LRP1B: variants seen among roughly 807,000 people sequenced by gnomAD.
The protein encoded by LRP1B is low-density lipoprotein receptor-related protein 1B.
Under a neutral mutation model 556.6 loss-of-function variants are expected in LRP1B, and 217 were observed. That is an observed-to-expected ratio of 0.39 (90% CI 0.35 to 0.44). LRP1B has a LOEUF of 0.44. Ranked by LOEUF, LRP1B falls within the 20% of genes least tolerant of loss-of-function variation. LRP1B has a pLI of 1.00. For synonymous variants in LRP1B, 2,047 were observed against 1,865.8 expected (o/e 1.10, Z -2.50); for missense variants, 5,053 against 5,620.8 (o/e 0.90, Z 3.23).
intron 24 of LRP1B, among the ~76,000 whole-genome samples, chr2:140,884,916 G>C: frequency 6.6e-6 from 1 of 152,104 alleles, no homozygotes; most frequent in Non-Finnish European, 1.5e-5. Context: ...GTTTTGCCAT[G>C]TTGTCCAGGC....
At chr2:140,908,826 T>G (rs941966456) in intron 21 of LRP1B, among the ~76,000 whole-genome samples, 4 of 152,060 alleles carry the variant, frequency 2.6e-5, no homozygotes, top group African/African-American at 9.6e-5. Flanking sequence ...TGTGATGGAG[T>G]TGCACTCTTG....
At chr2:141,876,061 A>G (rs1698748248) in intron 1 of LRP1B, among the ~76,000 whole-genome samples, 2 of 151,976 alleles carry the variant, frequency 1.3e-5, no homozygotes, top group African/African-American at 4.8e-5. Flanking sequence ...CTTTGGAAGA[A>G]CAGGTGAATA....
intron 37 of LRP1B, among the ~76,000 whole-genome samples, chr2:140,708,343 A>G (rs570300479): frequency 1.4e-3 from 220 of 151,758 alleles, no homozygotes; most frequent in Admixed American, 5.9e-3. Context: ...TTATTTGTCA[A>G]TTTCTTTCTT....
chr2:140,898,063 G>T (rs921742116), intron 23 of LRP1B, among the ~76,000 whole-genome samples: 2 of 152,108 alleles, frequency 1.3e-5, no homozygotes, highest in South Asian at 2.1e-4. Flanking sequence ...ATTCCAGAAA[G>T]GGTCTGCCCC....
intron 1 of LRP1B, among the ~76,000 whole-genome samples, chr2:142,106,801 G>A (rs1368730586): frequency 1.3e-5 from 2 of 152,014 alleles, no homozygotes; most frequent in African/African-American, 4.8e-5. Context: ...GTTATATTAT[G>A]TCTCATATCT....
At chr2:140,438,127 C>T (rs1686267748) in intron 66 of LRP1B, among the ~76,000 whole-genome samples, 1 of 152,106 alleles carries the variant, frequency 6.6e-6, no homozygotes, top group Non-Finnish European at 1.5e-5. Context: ...ACCGACCCTC[C>T]AGCCTCAGCC....
intron 49 of LRP1B, among the ~76,000 whole-genome samples, chr2:140,520,798 GAAA>G (rs757383865): frequency 1.2e-5 from 1 of 86,464 alleles, no homozygotes; most frequent in Non-Finnish European, 2.1e-5. Context: ...TAAGAAAACA[GAAA>G]AAAAAAAAAA....
chr2:141,096,667 AGAGAGAGAGAGAGAGAGAGAGAG>A (rs1700325312), intron 7 of LRP1B, among the ~76,000 whole-genome samples: 1 of 128,288 alleles, frequency 7.8e-6, no homozygotes, highest in Non-Finnish European at 1.6e-5. Flanking sequence ...AGAGAGAGAG[AGAGAGAGAGAGAGAGAGAGAGAG>A]AAAATAAATA....
At chr2:140,491,005 GT>G (rs573919773) in intron 57 of LRP1B, among the ~76,000 whole-genome samples, 1 of 151,862 alleles carries the variant, frequency 6.6e-6, no homozygotes, top group Non-Finnish European at 1.5e-5. Flanking sequence ...ATCTTAAAAT[GT>G]TTTTTTAAAA....
chr2:141,680,204 C>G (rs551215983), intron 2 of LRP1B, among the ~76,000 whole-genome samples: 109 of 152,166 alleles, frequency 7.2e-4, no homozygotes, highest in Middle Eastern at 3.4e-3. Context: ...CAGGTAAAGA[C>G]AGTGTTTGTA....
chr2:141,641,023 A>G (rs934607441), intron 2 of LRP1B, among the ~76,000 whole-genome samples: 2 of 152,204 alleles, frequency 1.3e-5, no homozygotes, highest in Non-Finnish European at 2.9e-5. Context: ...AGCTGAAGTT[A>G]GTTTACTCAA....
chr2:141,130,689 TAGA>T (rs1701327908), intron 7 of LRP1B, among the ~76,000 whole-genome samples: 1 of 152,096 alleles, frequency 6.6e-6, no homozygotes, highest in African/African-American at 2.4e-5. Context: ...AATTCATCAG[TAGA>T]AGATTAATAA....
At chr2:141,076,064 T>C (rs1699778014) in intron 7 of LRP1B, among the ~76,000 whole-genome samples, 1 of 152,200 alleles carries the variant, frequency 6.6e-6, no homozygotes, top group South Asian at 2.1e-4. Context: ...GCAGATGTAC[T>C]TAGAAAAAAG....
chr2:141,203,534 G>T (rs895942262), intron 6 of LRP1B, among the ~76,000 whole-genome samples: 10 of 152,110 alleles, frequency 6.6e-5, no homozygotes, highest in African/African-American at 2.4e-5. Context: ...GAATCATAAA[G>T]CAAGTTTTTA....
chr2:140,629,459 A>C (rs1437939538), intron 41 of LRP1B, among the ~76,000 whole-genome samples: 4 of 152,102 alleles, frequency 2.6e-5, no homozygotes, highest in Non-Finnish European at 5.9e-5. Context: ...TTTATACTAC[A>C]GTATACCAGT....
chr2:140,471,475 A>C (rs1687767124), intron 60 of LRP1B, among the ~76,000 whole-genome samples: 1 of 152,136 alleles, frequency 6.6e-6, no homozygotes. Context: ...TATTGGAATT[A>C]TTTTCCCCTA....
intron 25 of LRP1B, among the ~76,000 whole-genome samples, chr2:140,876,964 C>T (rs1365894098): frequency 2.0e-5 from 3 of 152,052 alleles, no homozygotes; most frequent in Non-Finnish European, 2.9e-5. Flanking sequence ...TCTAATCTTG[C>T]CTAATGTTTT....
chr2:141,886,010 A>C (rs938654991), intron 1 of LRP1B, among the ~76,000 whole-genome samples: 3 of 152,220 alleles, frequency 2.0e-5, no homozygotes, highest in African/African-American at 7.2e-5. Flanking sequence ...TTGATCTAAC[A>C]GGAGAAGAGA....
intron 21 of LRP1B, 43 bp downstream of exon 21, chr2:140,922,922 A>G: frequency 6.4e-7 from 1 of 1,566,806 alleles, no homozygotes; most frequent in Non-Finnish European, 8.7e-7. Flanking sequence ...AGGACTCCAC[A>G]CTCAGGGAGA....
Sources: allele counts gnomAD v4.1 joint callset (sites outside exome capture counted in the v4.1 genomes callset), GRCh38; gene constraint gnomAD v4.1.1; transcripts MANE v1.5; gene names NCBI Gene and HGNC (gene_info 2026-07-23, HGNC 2026-07-21).